PCDHGA12: variants seen among roughly 807,000 people sequenced by gnomAD.
PCDHGA12 encodes the protein protocadherin gamma subfamily A, 12, also known as protocadherin gamma-A12.
Under a neutral mutation model 61.1 loss-of-function variants are expected in PCDHGA12, and 43 were observed. The ratio of observed to expected loss-of-function variants is 0.70; its 90% CI spans 0.55 to 0.91. The LOEUF (loss-of-function observed/expected upper bound fraction) is 0.91, where lower values mean the gene tolerates loss of function less well. Among genes scored for constraint, PCDHGA12 ranks in the 40% least tolerant of loss-of-function variants. The pLI is 0.00. For synonymous variants in PCDHGA12, 520 were observed against 542.9 expected (o/e 0.96, Z 0.59); for missense variants, 1,236 against 1,227.7 (o/e 1.01, Z -0.10).
Position 141,476,838 on chromosome 5 carries a change from C to T in PCDHGA12, c.2425-17969C>T, listed in dbSNP as rs1347278637. 2.5e-6 allele frequency: 4 copies of T among 1,613,496 alleles called. No individual in the cohort carries two copies. Among genetic ancestry groups the T allele is most frequent in the Non-Finnish European group, 3.4e-6 (4 of 1,180,054 alleles). ...AAGGTGCTGGACGCGAATGACAATG[C>T]GCCTGTCTTCAACCAGTCCTTGTAC... On this transcript the variant is annotated intron_variant, in intron 1 of 3. Transcript: ENST00000252085. This position sits in a 1 kb window ranked among gnomAD's most constrained non-coding sequence, Gnocchi z 7.6.
Position 141,491,306 on chromosome 5 carries a change from A to G in PCDHGA12, c.2425-3501A>G. ...CTCATACACCCTCCTGAGCGTTCAGACCTTACCCTTTACCTCATTGTGGCT... is the reference window on the plus strand; with the variant it reads ...CTCATACACCCTCCTGAGCGTTCAGGCCTTACCCTTTACCTCATTGTGGCT... On this transcript the variant is annotated intron_variant, in intron 1 of 3. Coordinates refer to ENST00000252085, the MANE Select transcript of PCDHGA12 (RefSeq NM_003735.3). This position sits in a 1 kb window ranked among gnomAD's most constrained non-coding sequence, Gnocchi z 6.9. 1 of 1,614,032 alleles carries G rather than the reference A, an allele frequency of 6.2e-7. No individual in the cohort carries two copies. The highest frequency in any genetic ancestry group is 2.2e-5 in the East Asian group (1 of 44,872).
intron 2 of PCDHGA12, among the ~76,000 whole-genome samples, chr5:141,501,802 C>T (rs2099811151): frequency 1.3e-5 from 2 of 152,154 alleles, no homozygotes; most frequent in Non-Finnish European, 2.9e-5. Context: ...ATCTCTTACC[C>T]AGCTTCACAT....
At position 141,444,986 on chromosome 5, in the gene PCDHGA12, T is replaced by C. The variant is rs990862582; in HGVS notation, c.2424+11803T>C. On this transcript the variant is annotated intron_variant, in intron 1 of 3. Transcript: ENST00000252085. ...TGACACTTCAAATCCATGAACATGG[T>C]ATATATTTCCATTTAATTAGGTCTT... Among the ~76,000 whole-genome samples, 4 of 152,206 alleles carry C rather than the reference T, an allele frequency of 2.6e-5. No individual in the cohort carries two copies. The East Asian group carries it at 7.7e-4, about 29-fold the overall frequency.
chr5:141,484,242 A>G (rs995022030), intron 1 of PCDHGA12, among the ~76,000 whole-genome samples: 1 of 152,216 alleles, frequency 6.6e-6, no homozygotes, highest in African/African-American at 2.4e-5. Flanking sequence ...TCTGGTCCTT[A>G]GCACCTCCCA....
At chr5:141,459,531 A>G (rs1479666418) in intron 1 of PCDHGA12, among the ~76,000 whole-genome samples, 2 of 152,184 alleles carry the variant, frequency 1.3e-5, no homozygotes, top group Admixed American at 1.3e-4. Context: ...TTTTGTAGGC[A>G]TATTTTTTTT....
intron 2 of PCDHGA12, among the ~76,000 whole-genome samples, chr5:141,498,451 T>C (rs1426888821): frequency 6.6e-6 from 1 of 152,126 alleles, no homozygotes; most frequent in Non-Finnish European, 1.5e-5. Context: ...AGGTTCCTTT[T>C]ATCCAGTCTA....
Position 141,483,381 on chromosome 5 carries a change from G to T in PCDHGA12, c.2425-11426G>T, listed in dbSNP as rs147887550. ...AAGCTATTGCAATATTTGAAGAGAA[G>T]ATTGATAAATGCTTGAACCAGCACA... On this transcript the variant is annotated intron_variant, in intron 1 of 3. Transcript: ENST00000252085. 2.0e-3 allele frequency among the ~76,000 whole-genome samples: 305 copies of T among 152,292 alleles called. 2 individuals are homozygous for T. Among genetic ancestry groups the T allele is most frequent in the African/African-American group, 6.9e-3 (286 of 41,558 alleles).
chr5:141,478,097 A>G lies in PCDHGA12; in HGVS notation c.2425-16710A>G, dbSNP rs757796085. Reference sequence around the variant, plus strand: ...GGAGCCTTCGCTCTCCACCACTGCTACCCTCACTGTGTCAGTAACCGAGGA... The same window carrying G: ...GGAGCCTTCGCTCTCCACCACTGCTGCCCTCACTGTGTCAGTAACCGAGGA... On this transcript the variant is annotated intron_variant, in intron 1 of 3. Transcript: ENST00000252085. 9.9e-6 allele frequency: 16 copies of G among 1,613,666 alleles called. No homozygotes were observed. Among genetic ancestry groups the G allele is most frequent in the Admixed American group, 1.7e-5 (1 of 59,970 alleles).
In PCDHGA12 at chr5:141,489,610, C is replaced by A; in HGVS notation, c.2425-5197C>A. 6.2e-7 allele frequency: 1 copy of A among 1,614,090 alleles called. No individual in the cohort carries two copies. Among genetic ancestry groups the A allele is most frequent in the Non-Finnish European group, 8.5e-7 (1 of 1,179,990 alleles). ...GCTAATCCGTGTAGAGGTAGAGATCCTGGATCTCAATGACAACTCTCCTAG... is the reference window on the plus strand; with the variant it reads ...GCTAATCCGTGTAGAGGTAGAGATCATGGATCTCAATGACAACTCTCCTAG... On this transcript the variant is annotated intron_variant, in intron 1 of 3. Transcript: ENST00000252085. The surrounding 1 kb of genome is among the most constrained non-coding windows in gnomAD (Gnocchi z 4.5).
rs374663576 is a variant in PCDHGA12, at chr5:141,489,905, G to T, written c.2425-4902G>T. On this transcript the variant is annotated intron_variant, in intron 1 of 3. Coordinates refer to ENST00000252085, the MANE Select transcript of PCDHGA12 (RefSeq NM_003735.3). The surrounding 1 kb of genome is among the most constrained non-coding windows in gnomAD (Gnocchi z 4.5). ...GCTGTGGATGGGGGGACCCCAGCCC[G>T]CTCAGGGACCACCCTTATCTCTGTC... The T allele has an allele frequency of 9.7e-5, 156 of 1,614,226 alleles. 3 individuals are homozygous for T. The South Asian group carries it at 1.6e-3, about 16-fold the overall frequency.
chr5:141,436,240 G>T (rs192988618), intron 1 of PCDHGA12, among the ~76,000 whole-genome samples: 1 of 152,082 alleles, frequency 6.6e-6, no homozygotes. Context: ...AGCTAACATG[G>T]TCTAATTATT....
intron 1 of PCDHGA12, among the ~76,000 whole-genome samples, chr5:141,483,310 A>G (rs2099579870): frequency 6.6e-6 from 1 of 152,156 alleles, no homozygotes; most frequent in African/African-American, 2.4e-5. Context: ...GACTGGGGAC[A>G]TTGGGACTGG....
rs2099686717 is a variant in PCDHGA12, at chr5:141,489,403, A to C, written c.2425-5404A>C. The C allele has an allele frequency of 6.2e-7, 1 of 1,614,172 alleles. No homozygotes were observed. Among genetic ancestry groups the C allele is most frequent in the East Asian group, 2.2e-5 (1 of 44,884 alleles). On this transcript the variant is annotated intron_variant, in intron 1 of 3. Coordinates refer to ENST00000252085, the MANE Select transcript of PCDHGA12 (RefSeq NM_003735.3). The surrounding 1 kb of genome is among the most constrained non-coding windows in gnomAD (Gnocchi z 4.5). ...GAATGTTGCTCAGGATCTGGGCTTA[A>C]AGATGACAGATCTGTTGAGCCGGCG...
At chr5:141,460,965 G>A (rs1398642676) in intron 1 of PCDHGA12, among the ~76,000 whole-genome samples, 21 of 114,476 alleles carry the variant, frequency 1.8e-4, no homozygotes, top group African/African-American at 8.5e-4. Flanking sequence ...ATATATATGT[G>A]TGTGTGTGTG....
chr5:141,450,842 T>TTTTTA, intron 1 of PCDHGA12, among the ~76,000 whole-genome samples: 1 of 148,196 alleles, frequency 6.7e-6, no homozygotes, highest in African/African-American at 2.5e-5. Context: ...TTTTTTTTTT[T>TTTTTA]GAGATGGGGT....
chr5:141,489,729 C>T lies in PCDHGA12; in HGVS notation c.2425-5078C>T, dbSNP rs760195181. ...ACAGTGCCCAGGATCCGGATGTGGGCACCAATACTGTGAGCTTTTACACTC... is the reference window on the plus strand; with the variant it reads ...ACAGTGCCCAGGATCCGGATGTGGGTACCAATACTGTGAGCTTTTACACTC... On this transcript the variant is annotated intron_variant, in intron 1 of 3. Transcript: ENST00000252085. The surrounding 1 kb of genome is among the most constrained non-coding windows in gnomAD (Gnocchi z 4.5). 2.5e-6 allele frequency: 4 copies of T among 1,614,152 alleles called. No individual in the cohort carries two copies. The highest frequency in any genetic ancestry group is 2.2e-5 in the East Asian group (1 of 44,876).
At chr5:141,503,598 CAAAAAAAAAAAA>C (rs765754054) in intron 2 of PCDHGA12, among the ~76,000 whole-genome samples, 11 of 65,762 alleles carry the variant, frequency 1.7e-4, no homozygotes, top group Admixed American at 3.4e-4. Context: ...GACTCCAGCT[CAAAAAAAAAAAA>C]AAAAGAAAAA....
chr5:141,437,765 G>C (rs1561886251), intron 1 of PCDHGA12, among the ~76,000 whole-genome samples: 1 of 148,074 alleles, frequency 6.8e-6, no homozygotes, highest in African/African-American at 2.5e-5. Flanking sequence ...TTGAGACAGA[G>C]TCTCAATCTG....
At chr5:141,455,959 G>A (rs112864392) in intron 1 of PCDHGA12, among the ~76,000 whole-genome samples, 2 of 150,430 alleles carry the variant, frequency 1.3e-5, no homozygotes. Flanking sequence ...GTGCAGTGGC[G>A]CGATCTCAGC....
Sources: allele counts gnomAD v4.1 joint callset (sites outside exome capture counted in the v4.1 genomes callset), GRCh38; gene constraint gnomAD v4.1.1; non-coding constraint Gnocchi (gnomAD v3.1); transcripts MANE v1.5; gene names NCBI Gene and HGNC (gene_info 2026-07-23, HGNC 2026-07-21).